Variants in LONRF1 observed in about 807,000 individuals in gnomAD.
LONRF1 encodes LON peptidase N-terminal domain and RING finger protein 1.
Under a neutral mutation model 85.8 loss-of-function variants are expected in LONRF1, and 37 were observed. The ratio of observed to expected loss-of-function variants is 0.43; its 90% CI spans 0.33 to 0.57. LONRF1 has a LOEUF of 0.57. Among genes scored for constraint, LONRF1 ranks in the 20% least tolerant of loss-of-function variants. The pLI is 0.04. For synonymous variants in LONRF1, 517 were observed against 390.1 expected (o/e 1.33, Z -3.83); for missense variants, 1,036 against 978.0 (o/e 1.06, Z -0.79).
intron 1 of LONRF1, among the ~76,000 whole-genome samples, chr8:12,746,253 GTAT>G (rs1799148926): frequency 6.6e-6 from 1 of 152,018 alleles, no homozygotes; most frequent in South Asian, 2.1e-4. Context: ...GGTAAAACAG[GTAT>G]TATTTAGTAC....
At chr8:12,743,434 C>T in intron 1 of LONRF1, 152 bp from the exon 2 acceptor site, 1 of 573,260 alleles carries the variant, frequency 1.7e-6, no homozygotes, top group Non-Finnish European at 3.1e-6. Context: ...AGTATAGGCA[C>T]AACCCATTTT....
intron 7 of LONRF1, among the ~76,000 whole-genome samples, chr8:12,734,941 T>C (rs564620809): frequency 3.9e-5 from 6 of 152,248 alleles, no homozygotes; most frequent in African/African-American, 1.4e-4. Context: ...ACATCTGGCT[T>C]ATTATTGAGG....
chr8:12,740,888 G>C lies in LONRF1; in HGVS notation c.949C>G (p.Leu317Val). Residue 317 changes from leucine (L) to valine (V), a missense_variant, in exon 3 of 12, where the codon CTG becomes GTG. By Grantham distance (32) the Leu-to-Val change is conservative (BLOSUM62 1). This residue lies in a region of LONRF1 where 742 missense variants were observed against 614.4 expected (regional missense o/e 1.21). Transcript: ENST00000398246. ...ALDEDFAPAK[L>V]QVQKILCDLL... ...AAACTGATTACCTTTTGTACTTGCAGCTTTGCAGGTGCAAAATCTTCATCA... is the reference window on the plus strand; with the variant it reads ...AAACTGATTACCTTTTGTACTTGCACCTTTGCAGGTGCAAAATCTTCATCA... 1 of 1,613,224 alleles carries C rather than the reference G, an allele frequency of 6.2e-7. No homozygotes were observed. Among genetic ancestry groups the C allele is most frequent in the Non-Finnish European group, 8.5e-7 (1 of 1,179,520 alleles).
intron 1 of LONRF1, among the ~76,000 whole-genome samples, chr8:12,747,765 T>C (rs58263500): frequency 0.81 from 122,556 of 151,586 alleles, 49,994 homozygotes; most frequent in East Asian, 0.94. Flanking sequence ...TCTTTTTTTT[T>C]TTTTTTTTTA....
chr8:12,737,888 T>A, intron 4 of LONRF1, 107 bp downstream of exon 4: 1 of 1,169,264 alleles, frequency 8.6e-7, no homozygotes, highest in Non-Finnish European at 1.2e-6. Flanking sequence ...CTAACCAGGT[T>A]AAAAGTACTT....
chr8:12,724,308 C>T (rs1806064673), intron 11 of LONRF1, among the ~76,000 whole-genome samples: 1 of 152,160 alleles, frequency 6.6e-6, no homozygotes, highest in Non-Finnish European at 1.5e-5. Flanking sequence ...TTCCAGAGAG[C>T]TCCTGGAAAC....
chr8:12,731,595 G>A, intron 8 of LONRF1, 141 bp downstream of exon 8: 1 of 642,638 alleles, frequency 1.6e-6, no homozygotes. Context: ...ATAAGATTCT[G>A]TCTGTTGAGG....
At chr8:12,746,172 C>T (rs1290302436) in intron 1 of LONRF1, among the ~76,000 whole-genome samples, 2 of 152,174 alleles carry the variant, frequency 1.3e-5, no homozygotes, top group East Asian at 1.9e-4. Flanking sequence ...ATCTCTAATA[C>T]TATTGCAATA....
chr8:12,739,366 C>T (rs969682148), intron 3 of LONRF1, among the ~76,000 whole-genome samples: 5 of 143,618 alleles, frequency 3.5e-5, no homozygotes, highest in African/African-American at 1.3e-4. Flanking sequence ...AAAACAAACC[C>T]AGACACAAAA....
At chr8:12,752,411 A>C (rs1312926964) in intron 1 of LONRF1, among the ~76,000 whole-genome samples, 1 of 152,256 alleles carries the variant, frequency 6.6e-6, no homozygotes, top group Non-Finnish European at 1.5e-5. Flanking sequence ...GTTCACATTA[A>C]GAATTCAAAA....
At chr8:12,743,089 CCTAA>C (rs1180474914) in intron 2 of LONRF1, 71 bp downstream of exon 2, 7 of 940,436 alleles carry the variant, frequency 7.4e-6, no homozygotes, top group Non-Finnish European at 1.0e-5. Flanking sequence ...TGTTAAAATT[CCTAA>C]CTGTGAATGA....
Position 12,725,953 on chromosome 8 carries a change from T to C in LONRF1, c.2011-74A>G, listed in dbSNP as rs1226953406. 40 of 1,399,736 alleles carry C rather than the reference T, an allele frequency of 2.9e-5. No homozygotes were observed. The South Asian group carries it at 3.2e-4, about 11-fold the overall frequency. The allele number at this position is 1,399,736 out of a possible 1,614,324, so 86.7% of individuals were successfully genotyped here. ...TATGCCATATGCCAACCGACACAAA[T>C]GGAAAAAGGGATCAGAAGAACAGGG... On this transcript the variant is annotated intron_variant, in intron 10 of 11. Transcript: ENST00000398246.
rs184514295 is a variant in LONRF1 at position 12,747,445 on chromosome 8, A to G, written c.722-4163T>C. ...TTTGAAAAATATAGAAATAAGAGGT[A>G]AAAACTATCTTTTACCCATCACAAA... On this transcript the variant is annotated intron_variant, in intron 1 of 11. Transcript: ENST00000398246. 1.7e-3 allele frequency among the ~76,000 whole-genome samples: 260 copies of G among 152,362 alleles called. 1 individual carries two copies. The highest frequency in any genetic ancestry group is 6.1e-3 in the African/African-American group (253 of 41,584).
In LONRF1 at chr8:12,755,483, G is replaced by A. The variant is rs1016090331; in HGVS notation, c.-63C>T. ...CGGTCCCGGAGCCTCCCGGGCGCGC[G>A]GCTCCGCACGCGGCCCGCGAGCAGG... On this transcript the variant is annotated 5_prime_UTR_variant, in exon 1 of 12. Coordinates refer to ENST00000398246, the MANE Select transcript of LONRF1 (RefSeq NM_152271.5). 62 of 921,900 alleles carry A rather than the reference G, an allele frequency of 6.7e-5. No individual in the cohort carries two copies. Among genetic ancestry groups the A allele is most frequent in the Non-Finnish European group, 7.5e-5 (57 of 757,934 alleles). 57.1% of individuals were successfully genotyped at this position (921,900 alleles called of 1,614,324 possible).
chr8:12,728,972 A>G lies in LONRF1; in HGVS notation c.1939T>C (p.Phe647Leu). ...TTCATTCCTCTTTTTAAAACCCTAA[A>G]CCGCTTTCCTCCAACTGTATCAACC... ...SVVDTVGGKRFRVLKRGMKDG... is the reference protein window; with the variant it reads ...SVVDTVGGKRLRVLKRGMKDG... The change falls in exon 10 of 12, where the codon TTT becomes CTT. Residue 647 changes from phenylalanine to leucine, a missense_variant. By Grantham distance (22) the Phe-to-Leu change is conservative. Transcript: ENST00000398246. 3.1e-6 allele frequency: 5 copies of G among 1,613,936 alleles called. No homozygotes were observed. The highest frequency in any genetic ancestry group is 4.2e-6 in the Non-Finnish European group (5 of 1,179,876).
Position 12,737,077 on chromosome 8 carries a change from C to T in LONRF1, c.1177G>A (p.Ala393Thr), listed in dbSNP as rs1798747378. ...ATTTCTGTTGAATTTATAGACTGTG[C>T]TGACTGAGCACGGTTTAAGCTTCCT... ...VKGSLNRAQS[A>T]QSINSTEMPA... Residue 393 changes from alanine (A) to threonine (T), a missense_variant, in exon 5 of 12, where the codon GCA (alanine) becomes ACA (threonine). By Grantham distance (58) the Ala-to-Thr change is moderately conservative. Around this residue, in one of 3 missense-constraint regions of LONRF1, gnomAD observed 742 missense variants for 614.4 expected, o/e 1.21. Coordinates refer to ENST00000398246, the MANE Select transcript of LONRF1 (RefSeq NM_152271.5). 1 of 1,613,588 alleles carries T rather than the reference C, an allele frequency of 6.2e-7. No homozygotes were observed. Among genetic ancestry groups the T allele is most frequent in the Non-Finnish European group, 8.5e-7 (1 of 1,179,662 alleles).
intron 1 of LONRF1, among the ~76,000 whole-genome samples, chr8:12,747,750 CTCTCTCT>C (rs1411631835): frequency 4.2e-5 from 2 of 47,752 alleles, no homozygotes; most frequent in Admixed American, 3.7e-4. Context: ...TGACTGAAAT[CTCTCTCT>C]TTTTTTTTTT....
chr8:12,728,117 G>A (rs1022137933), intron 10 of LONRF1, among the ~76,000 whole-genome samples: 1 of 152,186 alleles, frequency 6.6e-6, no homozygotes, highest in African/African-American at 2.4e-5. Flanking sequence ...ACAGATCAAT[G>A]AATAAGAGAA....
chr8:12,737,188 T>C (rs1400399185), intron 4 of LONRF1, 48 bp from the exon 5 acceptor site: 3 of 1,591,484 alleles, frequency 1.9e-6, no homozygotes, highest in African/African-American at 2.7e-5. Context: ...TTACTATCCT[T>C]TATTCCTCTC....
Sources: gnomAD v4.1 joint callset for allele counts (sites outside exome capture counted in the v4.1 genomes callset) on GRCh38, gnomAD v4.1.1 for gene constraint, gnomAD v4.1.1 regional missense constraint, MANE v1.5 for transcripts, NCBI Gene and HGNC (gene_info 2026-07-23, HGNC 2026-07-21) for gene names.